Variants in OPRM1 observed in about 807,000 individuals in gnomAD.
The protein encoded by OPRM1 is opioid receptor mu 1.
Under a neutral mutation model 31.8 loss-of-function variants are expected in OPRM1, and 27 were observed. That is an observed-to-expected ratio of 0.85 (90% CI 0.63 to 1.17). OPRM1 has a LOEUF of 1.17. Among genes scored for constraint, OPRM1 ranks in the 50% most tolerant of loss-of-function variants. OPRM1 has a pLI of 0.00. For missense variants in OPRM1, 536 were observed against 511.1 expected (o/e 1.05, Z -0.47); for synonymous variants, 196 against 189.9 (o/e 1.03, Z -0.26).
chr6:154,173,279 C>G (rs963782878), intron 3 of OPRM1, among the ~76,000 whole-genome samples: 11 of 152,174 alleles, frequency 7.2e-5, no homozygotes, highest in Admixed American at 7.2e-4. Flanking sequence ...AGGAACACAA[C>G]TCCTCACCAG....
chr6:154,099,417 AAAG>A (rs1323249388), intron 3 of OPRM1, among the ~76,000 whole-genome samples: 11 of 75,914 alleles, frequency 1.4e-4, no homozygotes, highest in Admixed American at 4.7e-4. Flanking sequence ...AGAAAGAGAG[AAAG>A]AGAAAGAAAG....
At chr6:154,071,610 G>T (rs559558945) in intron 1 of OPRM1, among the ~76,000 whole-genome samples, 1 of 152,246 alleles carries the variant, frequency 6.6e-6, no homozygotes, top group Admixed American at 6.5e-5. Flanking sequence ...AACACCCAGG[G>T]ATTTCAGTTT....
At position 154,117,970 on chromosome 6, in the gene OPRM1, A is replaced by G. The variant is rs17181324; in HGVS notation, c.1165-713A>G. Among the ~76,000 whole-genome samples, 1,360 of 152,216 alleles carry G rather than the reference A, an allele frequency of 8.9e-3. 22 individuals are homozygous for G. The highest frequency in any genetic ancestry group is 0.031 in the African/African-American group (1,288 of 41,514). ...TTTACTAAAATAAAATTTTAAAAAAATGATCTTTTACCCTTTTACGCTTCC... is the reference window on the plus strand; with the variant it reads ...TTTACTAAAATAAAATTTTAAAAAAGTGATCTTTTACCCTTTTACGCTTCC... On this transcript the variant is annotated intron_variant, in intron 3 of 3. Coordinates refer to ENST00000330432, the MANE Select transcript of OPRM1 (RefSeq NM_000914.5).
intron 3 of OPRM1, among the ~76,000 whole-genome samples, chr6:154,149,903 A>T (rs1299670155): frequency 6.6e-6 from 1 of 152,116 alleles, no homozygotes; most frequent in East Asian, 1.9e-4. Flanking sequence ...TTTCCCTCAC[A>T]GCGTCTCCTA....
chr6:154,223,975 T>C (rs1779062081), intron 3 of OPRM1, among the ~76,000 whole-genome samples: 1 of 152,210 alleles, frequency 6.6e-6, no homozygotes, highest in Non-Finnish European at 1.5e-5. Context: ...ATAGGAAATA[T>C]AATCACTGTC....
Position 154,039,603 on chromosome 6 carries a change from C to T in OPRM1, c.59C>T (p.Ser20Leu). 3.7e-6 allele frequency: 6 copies of T among 1,614,012 alleles called. No homozygotes were observed. The highest frequency in any genetic ancestry group is 1.1e-5 in the South Asian group (1 of 91,050). ...ASNCTDALAY[S>L]SCSPAPSPGS... is the part of the protein sequence containing the mutation. ...AATTGCACTGATGCCTTGGCGTACT[C>T]AAGTTGCTCCCCAGCACCCAGCCCC... The change falls in exon 1 of 4, where the codon TCA becomes TTA. Residue 20 changes from serine (S) to leucine (L), a missense_variant. Physicochemically the swap from Ser to Leu is moderately radical, Grantham distance 145 (BLOSUM62 -2). Coordinates refer to ENST00000330432, the MANE Select transcript of OPRM1 (RefSeq NM_000914.5).
At chr6:154,065,448 G>A (rs890837028) in intron 1 of OPRM1, among the ~76,000 whole-genome samples, 20 of 151,964 alleles carry the variant, frequency 1.3e-4, no homozygotes, top group African/African-American at 4.6e-4. Context: ...ATTTCCTTTA[G>A]CAATGTTTTG....
intron 1 of OPRM1, chr6:154,046,850 C>G (rs986670550): frequency 3.3e-5 from 5 of 152,186 alleles, no homozygotes; most frequent in Admixed American, 2.0e-4. Flanking sequence ...TAAACGCTTT[C>G]TAGTACTAAA....
intron 3 of OPRM1, among the ~76,000 whole-genome samples, chr6:154,237,829 T>G (rs544179899): frequency 6.6e-6 from 1 of 152,096 alleles, no homozygotes; most frequent in South Asian, 2.1e-4. Context: ...CATATCTATA[T>G]ATATGTTAAT....
intron 1 of OPRM1, among the ~76,000 whole-genome samples, chr6:154,069,949 G>A (rs1309254174): frequency 6.6e-6 from 1 of 152,136 alleles, no homozygotes; most frequent in Admixed American, 6.5e-5. Context: ...AAAAGGATAA[G>A]AAGGAAAAAC....
intron 1 of OPRM1, among the ~76,000 whole-genome samples, chr6:154,043,356 T>A (rs1780456976): frequency 6.6e-6 from 1 of 152,114 alleles, no homozygotes; most frequent in Non-Finnish European, 1.5e-5. Flanking sequence ...TTAGAAAAAG[T>A]CCTGTGAGCT....
At chr6:154,026,165 A>G (rs1778683951) in intron 1 of OPRM1, among the ~76,000 whole-genome samples, 1 of 152,210 alleles carries the variant, frequency 6.6e-6, no homozygotes, top group African/African-American at 2.4e-5. Context: ...TGTCTGGGAA[A>G]GTCTTTATTT....
intron 3 of OPRM1, among the ~76,000 whole-genome samples, chr6:154,227,889 T>C (rs977124239): frequency 5.3e-5 from 8 of 152,084 alleles, no homozygotes; most frequent in African/African-American, 1.9e-4. Flanking sequence ...ATTATCACTT[T>C]ATAAGCAGAA....
In OPRM1 at chr6:154,238,929, T is replaced by TA. The variant is rs1562560427; in HGVS notation, c.1165-7764_1165-7763insA. Among the ~76,000 whole-genome samples the TA allele has an allele frequency of 5.3e-3, 798 of 151,770 alleles. 5 individuals carry two copies. The highest frequency in any genetic ancestry group is 0.018 in the African/African-American group (761 of 41,334). ...GTTGGATTCTATATTGTTGTTTTTT[T>TA]TAAAAAAAAAAAGAAGTTGTGGAAA... On this transcript the variant is annotated intron_variant, in intron 3 of 3. Transcript: ENST00000337049.
rs201871516 is a variant in OPRM1, at chr6:154,128,926, A to AT, written c.*10208dup. Among the ~76,000 whole-genome samples the AT allele has an allele frequency of 0.013, 1,697 of 130,362 alleles. 34 individuals are homozygous for AT. Among genetic ancestry groups the AT allele is most frequent in the African/African-American group, 0.045 (1,621 of 36,236 alleles). 85.5% of individuals were successfully genotyped at this position (130,362 alleles called of 152,430 possible). A position where few individuals can be genotyped will look rare whatever the true frequency, so the allele number is the denominator to read the frequency against. On this transcript the variant is annotated 3_prime_UTR_variant, in exon 4 of 4. Coordinates refer to ENST00000330432, the MANE Select transcript of OPRM1 (RefSeq NM_000914.5). Reference sequence around the variant, plus strand: ...AAATTGGATCTATAAACATAAGTCAATTTGGCTCTATTATGTCAAAAGAGA... The same window carrying AT: ...AAATTGGATCTATAAACATAAGTCAATTTTGGCTCTATTATGTCAAAAGAGA...
At chr6:154,221,035 G>A (rs1302206408) in intron 3 of OPRM1, among the ~76,000 whole-genome samples, 1 of 152,112 alleles carries the variant, frequency 6.6e-6, no homozygotes, top group Non-Finnish European at 1.5e-5. Context: ...TTTCAACTTA[G>A]TGGTTCCCCG....
At chr6:154,191,207 A>T (rs1320455826) in intron 3 of OPRM1, among the ~76,000 whole-genome samples, 1 of 152,234 alleles carries the variant, frequency 6.6e-6, no homozygotes, top group Non-Finnish European at 1.5e-5. Flanking sequence ...AAGAGGTAGT[A>T]AAAAAGATGA....
intron 1 of OPRM1, among the ~76,000 whole-genome samples, chr6:154,072,766 G>A (rs1283962483): frequency 1.3e-5 from 2 of 152,072 alleles, no homozygotes; most frequent in Admixed American, 6.5e-5. Context: ...AATTAACAAC[G>A]TCACTACTGA....
downstream of OPRM1, among the ~76,000 whole-genome samples, chr6:154,133,885 C>A (rs371570801): frequency 6.6e-6 from 1 of 152,300 alleles, no homozygotes; most frequent in South Asian, 2.1e-4. Flanking sequence ...CTAGCTTGTT[C>A]ATTTCCACAG....
Sources: allele counts gnomAD v4.1 joint callset (sites outside exome capture counted in the v4.1 genomes callset), GRCh38; gene constraint gnomAD v4.1.1; transcripts MANE v1.5; gene names NCBI Gene and HGNC (gene_info 2026-07-23, HGNC 2026-07-21).